Variants in PCDH9 observed in about 807,000 individuals in gnomAD.
The protein encoded by PCDH9 is protocadherin 9, also known as protocadherin-9.
PCDH9 carries 24 observed loss-of-function variants against 70.6 expected under a neutral mutation model. The observed-to-expected ratio is 0.34, with a 90% CI of 0.25 to 0.48. The LOEUF is 0.48. PCDH9 is among the 20% of genes least tolerant of loss of function. PCDH9 has a pLI of 0.99. For synonymous variants in PCDH9, 562 were observed against 558.5 expected, an observed-to-expected ratio of 1.01 and a Z score of -0.09; for missense variants, 1,281 against 1,503.6, an observed-to-expected ratio of 0.85 and a Z score of 2.45.
At chr13:67,053,484 T>C (rs1489767939) in intron 2 of PCDH9, among the ~76,000 whole-genome samples, 3 of 152,058 alleles carry the variant, frequency 2.0e-5, no homozygotes, top group Admixed American at 6.6e-5. Context: ...TAGGGGAGCA[T>C]TGACTAAAAT....
At chr13:66,760,038 T>G (rs944725535) in intron 3 of PCDH9, among the ~76,000 whole-genome samples, 1 of 152,142 alleles carries the variant, frequency 6.6e-6, no homozygotes, top group Non-Finnish European at 1.5e-5. Flanking sequence ...GTGGTGGTGA[T>G]GAACTTCCTA....
chr13:66,676,976 A>G (rs9599129), intron 3 of PCDH9, among the ~76,000 whole-genome samples: 5,305 of 152,222 alleles, frequency 0.035, 141 homozygotes, highest in Non-Finnish European at 0.048. Flanking sequence ...TCATTTTCCA[A>G]CTATTCAAAG....
chr13:66,337,387 G>T (rs868204634), intron 4 of PCDH9, among the ~76,000 whole-genome samples: 4 of 152,030 alleles, frequency 2.6e-5, no homozygotes, highest in African/African-American at 9.7e-5. Context: ...CTAGGTAAGT[G>T]ATTCACCCAA....
At chr13:67,140,416 T>C (rs2138355586) in intron 2 of PCDH9, among the ~76,000 whole-genome samples, 1 of 152,310 alleles carries the variant, frequency 6.6e-6, no homozygotes, top group Non-Finnish European at 1.5e-5. Context: ...TCAAGTGCTT[T>C]GATTTAGAAA....
chr13:66,835,315 AGCTCG>A (rs1175313602), intron 3 of PCDH9, among the ~76,000 whole-genome samples: 4 of 152,156 alleles, frequency 2.6e-5, no homozygotes, highest in Non-Finnish European at 4.4e-5. Context: ...GACATAATCG[AGCTCG>A]GCTCTTGGCA....
intron 3 of PCDH9, among the ~76,000 whole-genome samples, chr13:66,775,786 G>A (rs938356413): frequency 6.6e-6 from 1 of 152,160 alleles, no homozygotes; most frequent in Non-Finnish European, 1.5e-5. Flanking sequence ...TTTGGGGGGA[G>A]TCAAAAGTTA....
At chr13:66,916,645 C>T (rs1448047437) in intron 2 of PCDH9, among the ~76,000 whole-genome samples, 1 of 151,446 alleles carries the variant, frequency 6.6e-6, no homozygotes, top group Admixed American at 6.6e-5. Context: ...ATTCATATAA[C>T]TTGGATCCCG....
intron 2 of PCDH9, among the ~76,000 whole-genome samples, chr13:67,020,744 G>C (rs1044787289): frequency 1.3e-5 from 2 of 152,168 alleles, no homozygotes; most frequent in African/African-American, 4.8e-5. Context: ...ATCATATGTG[G>C]AGTCATGGGA....
At chr13:66,869,816 A>G (rs572388076) in intron 3 of PCDH9, among the ~76,000 whole-genome samples, 11 of 152,236 alleles carry the variant, frequency 7.2e-5, no homozygotes, top group Admixed American at 1.3e-4. Flanking sequence ...TTTGTTCACT[A>G]CTATTTCCTT....
intron 4 of PCDH9, among the ~76,000 whole-genome samples, chr13:66,477,903 C>G (rs536550452): frequency 2.6e-5 from 4 of 152,242 alleles, no homozygotes; most frequent in African/African-American, 9.6e-5. Context: ...TGATACTCTA[C>G]CAAGGCATGA....
intron 3 of PCDH9, among the ~76,000 whole-genome samples, chr13:66,812,851 C>A (rs1226431483): frequency 6.6e-6 from 1 of 152,106 alleles, no homozygotes; most frequent in Non-Finnish European, 1.5e-5. Flanking sequence ...CAAGTGGTAA[C>A]CTCATGACCT....
intron 2 of PCDH9, among the ~76,000 whole-genome samples, chr13:67,050,564 T>A (rs2085302205): frequency 6.6e-6 from 1 of 152,192 alleles, no homozygotes; most frequent in South Asian, 2.1e-4. Flanking sequence ...ACAAGCTTAC[T>A]CATCTATAAG....
At chr13:66,354,575 G>A (rs75599234) in intron 4 of PCDH9, among the ~76,000 whole-genome samples, 4,688 of 151,906 alleles carry the variant, frequency 0.031, 247 homozygotes, top group African/African-American at 0.11. Flanking sequence ...AGTAGAAAGC[G>A]GCACTTTCTA....
At chr13:66,699,984 A>AT (rs2139103768) in intron 3 of PCDH9, among the ~76,000 whole-genome samples, 1 of 152,144 alleles carries the variant, frequency 6.6e-6, no homozygotes, top group East Asian at 1.9e-4. Context: ...ATTGTTACCT[A>AT]TAAAAAATTA....
At chr13:66,468,160 C>A (rs915222919) in intron 4 of PCDH9, among the ~76,000 whole-genome samples, 7 of 152,054 alleles carry the variant, frequency 4.6e-5, no homozygotes, top group African/African-American at 1.7e-4. Flanking sequence ...CCTGTCCACC[C>A]TACACTCTCT....
At chr13:67,114,532 G>T (rs2138280613) in intron 2 of PCDH9, among the ~76,000 whole-genome samples, 1 of 152,280 alleles carries the variant, frequency 6.6e-6, no homozygotes, top group Admixed American at 6.5e-5. Context: ...TAAATGGAAT[G>T]AGACAAATGA....
intron 4 of PCDH9, among the ~76,000 whole-genome samples, chr13:66,363,098 G>A (rs1388012798): frequency 6.6e-6 from 1 of 152,096 alleles, no homozygotes; most frequent in Non-Finnish European, 1.5e-5. Context: ...AGAATCGCTT[G>A]AACCTAGGAG....
rs183890104 is a variant in PCDH9 at position 66,904,259 on chromosome 13, A to G, written c.3037-654T>C. On this transcript the variant is annotated intron_variant, in intron 2 of 4. Coordinates refer to ENST00000377865, the MANE Select transcript of PCDH9 (RefSeq NM_203487.3). ...TTACCTGGAAATTGACATGAATTAT[A>G]GAACATAAGATATTACATTATGGCT... Among the ~76,000 whole-genome samples, 64 of 152,188 alleles carry G rather than the reference A, an allele frequency of 4.2e-4. 2 individuals carry two copies. Among genetic ancestry groups the G allele is most frequent in the Middle Eastern group, 3.4e-3 (1 of 294 alleles).
chr13:66,572,003 G>GA lies in PCDH9; in HGVS notation c.3340+59206dup, dbSNP rs1047376635. Among the ~76,000 whole-genome samples the GA allele has an allele frequency of 4.7e-5, 7 of 149,076 alleles. No homozygotes were observed. The East Asian group carries it at 7.8e-4, about 17-fold the overall frequency. ...TTTTTGTAGACATTGTGTCACAATG[G>GA]AAAAAAAAAGAAAGGAATATAATTT... On this transcript the variant is annotated intron_variant, in intron 4 of 4. Transcript: ENST00000377865.
Sources: gnomAD v4.1 joint callset for allele counts (sites outside exome capture counted in the v4.1 genomes callset) on GRCh38, gnomAD v4.1.1 for gene constraint, MANE v1.5 for transcripts, NCBI Gene and HGNC (gene_info 2026-07-23, HGNC 2026-07-21) for gene names.